FCSK: variants seen among roughly 807,000 people sequenced by gnomAD.
FCSK encodes L-fucose kinase.
Under a neutral mutation model 122.5 loss-of-function variants are expected in FCSK, and 123 were observed. That is an observed-to-expected ratio of 1.00 (90% CI 0.87 to 1.17). The LOEUF (loss-of-function observed/expected upper bound fraction) is 1.17, where lower values mean the gene tolerates loss of function less well. Among genes scored for constraint, FCSK ranks in the 50% most tolerant of loss-of-function variants. The pLI is 0.00. For synonymous variants in FCSK, 620 were observed against 625.5 expected (o/e 0.99, Z 0.13); for missense variants, 1,366 against 1,450.4 (o/e 0.94, Z 0.95).
In FCSK at chr16:70,466,900, C is replaced by T. The variant is rs747191892; in HGVS notation, c.430C>T (p.Pro144Ser). Residue 144 changes from proline (P) to serine (S), a missense_variant, in exon 6 of 24, where the codon CCA becomes TCA. Physicochemically the swap from Pro to Ser is moderately conservative, Grantham distance 74 (BLOSUM62 -1). Coordinates refer to ENST00000288078, the MANE Select transcript of FCSK (RefSeq NM_145059.3). ...CCCACAGCTGGGCCCGGGCTCCCCGCCAGGCGTGTGGGTCTGCAGCACCGA... is the reference window on the plus strand; with the variant it reads ...CCCACAGCTGGGCCCGGGCTCCCCGTCAGGCGTGTGGGTCTGCAGCACCGA... Reference protein sequence around the residue: ...MTYRLGPGSPPGVWVCSTDML... With the variant: ...MTYRLGPGSPSGVWVCSTDML... 6 of 1,613,842 alleles carry T rather than the reference C, an allele frequency of 3.7e-6. No individual in the cohort carries two copies. Among genetic ancestry groups the T allele is most frequent in the South Asian group, 3.3e-5 (3 of 91,072 alleles).
chr16:70,469,026 C>T, intron 9 of FCSK, 58 bp downstream of exon 9: 1 of 1,607,834 alleles, frequency 6.2e-7, no homozygotes, highest in Non-Finnish European at 8.5e-7. Context: ...ACTGTGTGAC[C>T]TCAGGCCAGC....
chr16:70,478,734 G>C, intron 22 of FCSK, 84 bp downstream of exon 22: 5 of 1,114,550 alleles, frequency 4.5e-6, no homozygotes, highest in Non-Finnish European at 6.7e-6. Context: ...TCATCTGCAG[G>C]CTTGGCACAA....
At chr16:70,478,056 A>G in intron 20 of FCSK, 1 of 576,564 alleles carries the variant, frequency 1.7e-6, no homozygotes, top group Non-Finnish European at 3.1e-6. Context: ...AACAAAACTC[A>G]GGCCTTGGGA....
rs750250348 is a variant in FCSK at position 70,466,879 on chromosome 16, C to G, written c.412-3C>G. On this transcript the variant is annotated splice_region_variant and splice_polypyrimidine_tract_variant and intron_variant, in intron 5 of 23. Transcript: ENST00000288078. ...GCTGTGTTCTGTCTCCTTCCCCCCA[C>G]AGCTGGGCCCGGGCTCCCCGCCAGG... 6.2e-7 allele frequency: 1 copy of G among 1,612,954 alleles called. No individual in the cohort carries two copies. Among genetic ancestry groups the G allele is most frequent in the Non-Finnish European group, 8.5e-7 (1 of 1,179,648 alleles).
chr16:70,460,000 C>T lies in FCSK; in HGVS notation c.-22-3169C>T, dbSNP rs1234135625. Among the ~76,000 whole-genome samples, 3 of 152,040 alleles carry T rather than the reference C, an allele frequency of 2.0e-5. No individual in the cohort carries two copies. The East Asian group carries it at 5.8e-4, about 29-fold the overall frequency. ...TATTTTTAGTAGAGATGGGGTTTCA[C>T]CATGTTGGCCAGGCTGGTCTCAAAC... On this transcript the variant is annotated intron_variant, in intron 1 of 23. Coordinates refer to ENST00000288078, the MANE Select transcript of FCSK (RefSeq NM_145059.3).
intron 7 of FCSK, 45 bp from the exon 8 acceptor site, chr16:70,467,838 AGAT>A: frequency 6.5e-7 from 1 of 1,534,946 alleles, no homozygotes; most frequent in Non-Finnish European, 9.0e-7. Flanking sequence ...GCCTCCTTCC[AGAT>A]CCCTTCCTGC....
At chr16:70,464,244 G>T (rs903358165) in intron 3 of FCSK, among the ~76,000 whole-genome samples, 1 of 152,202 alleles carries the variant, frequency 6.6e-6, no homozygotes, top group African/African-American at 2.4e-5. Flanking sequence ...GACATGCTCT[G>T]CAGAGGGAGA....
chr16:70,466,857 G>A (rs2048433420), intron 5 of FCSK, 25 bp from the exon 6 acceptor site: 1 of 1,608,352 alleles, frequency 6.2e-7, no homozygotes, highest in South Asian at 1.1e-5. Flanking sequence ...GGCACCAGCT[G>A]TGTTCTGTCT....
intron 10 of FCSK, among the ~76,000 whole-genome samples, chr16:70,470,064 C>G (rs744672): frequency 0.45 from 67,249 of 151,058 alleles, 15,025 homozygotes; most frequent in Non-Finnish European, 0.47. Flanking sequence ...AGGCTGGTCT[C>G]GAACTCCTGA....
chr16:70,470,997 C>G lies in FCSK; in HGVS notation c.1095C>G (p.Ser365Arg). The G allele has an allele frequency of 6.3e-7, 1 of 1,598,448 alleles. No homozygotes were observed. Among genetic ancestry groups the G allele is most frequent in the Non-Finnish European group, 8.5e-7 (1 of 1,174,562 alleles). ...VEEQQLLAAG[S>R]SVVSCLLEGP... ...AGCAGCAGCTTCTGGCGGCCGGGAGCTCTGTGGTCAGCTGCCTGCTGGAGG... is the reference window on the plus strand; with the variant it reads ...AGCAGCAGCTTCTGGCGGCCGGGAGGTCTGTGGTCAGCTGCCTGCTGGAGG... The change falls in exon 12 of 24, where the codon AGC (serine) becomes AGG (arginine). Residue 365 changes from serine (S) to arginine (R), a missense_variant. Transcript: ENST00000288078.
intron 5 of FCSK, 57 bp from the exon 6 acceptor site, chr16:70,466,825 G>T: frequency 1.3e-6 from 2 of 1,493,538 alleles, no homozygotes; most frequent in South Asian, 1.2e-5. Flanking sequence ...GGCAAGGAGG[G>T]GGCAGGTGAA....
chr16:70,467,254 C>T (rs1231514727), intron 6 of FCSK, 120 bp from the exon 7 acceptor site: 8 of 683,144 alleles, frequency 1.2e-5, no homozygotes, highest in East Asian at 5.5e-5. Context: ...GCTTGGAAAC[C>T]GTATTTCCCT....
rs1200136230 is a variant in FCSK at position 70,473,613 on chromosome 16, A to G, written c.1777+260A>G. ...CAGCTGAGCTCTAGGTCCTAGGCACATCGGCAAACCCTGCGTGTTCTGTAC... is the reference window on the plus strand; with the variant it reads ...CAGCTGAGCTCTAGGTCCTAGGCACGTCGGCAAACCCTGCGTGTTCTGTAC... On this transcript the variant is annotated intron_variant, in intron 15 of 23. Transcript: ENST00000288078. This position sits in a 1 kb window ranked among gnomAD's most constrained non-coding sequence, Gnocchi z 4.9. Among the ~76,000 whole-genome samples the G allele has an allele frequency of 2.0e-5, 3 of 152,164 alleles. No individual in the cohort carries two copies. The highest frequency in any genetic ancestry group is 6.5e-5 in the Admixed American group (1 of 15,276).
In FCSK at chr16:70,473,082, C is replaced by T. The variant is rs1201708843; in HGVS notation, c.1506C>T (p.Pro502=). 2 of 1,590,074 alleles carry T rather than the reference C, an allele frequency of 1.3e-6. No homozygotes were observed. The highest frequency in any genetic ancestry group is 1.7e-6 in the Non-Finnish European group (2 of 1,169,182). ...TCCACCCCTCGAGGGAGCTGGGACC[C>T]CAGGACCTGCTGTGGATGCTGGACC... ...PVLHPSRELG[P]QDLLWMLDHQ... Residue 502 remains proline, a synonymous_variant, in exon 15 of 24, where the codon CCC becomes CCT. Transcript: ENST00000288078. This position sits in a 1 kb window ranked among gnomAD's most constrained non-coding sequence, Gnocchi z 4.9.
At chr16:70,468,529 G>A (rs1038915533) in intron 8 of FCSK, among the ~76,000 whole-genome samples, 3 of 152,212 alleles carry the variant, frequency 2.0e-5, no homozygotes, top group Non-Finnish European at 4.4e-5. Context: ...TTGGGAGGAG[G>A]CCTAGAGCCA....
intron 1 of FCSK, among the ~76,000 whole-genome samples, chr16:70,457,540 C>T (rs2048127245): frequency 6.6e-6 from 1 of 152,154 alleles, no homozygotes; most frequent in Admixed American, 6.6e-5. Flanking sequence ...CGGATGTGAG[C>T]TACCACATCT....
Position 70,463,605 on chromosome 16 carries a change from T to G in FCSK, c.83-18T>G. The stretch of plus-strand genomic sequence containing the variant: ...CAGAGAGCTGGGGGGCAGGTCCCAG[T>G]GTCTCTTCTGACCCTAGAACTGGAA... On this transcript the variant is annotated intron_variant, in intron 2 of 23. Transcript: ENST00000288078. 1.9e-6 allele frequency: 3 copies of G among 1,612,710 alleles called. No individual in the cohort carries two copies. Among genetic ancestry groups the G allele is most frequent in the Non-Finnish European group, 2.5e-6 (3 of 1,179,512 alleles).
At chr16:70,472,743 G>A (rs574151925) in intron 14 of FCSK, 138 bp downstream of exon 14, 24 of 836,066 alleles carry the variant, frequency 2.9e-5, no homozygotes, top group South Asian at 1.1e-4. Flanking sequence ...TTGGGCAGCC[G>A]GATTCTCTCC....
chr16:70,464,927 G>A, intron 3 of FCSK, 199 bp from the exon 4 acceptor site: 1 of 1,153,118 alleles, frequency 8.7e-7, no homozygotes, highest in Non-Finnish European at 1.2e-6. Context: ...AGGTGGCCCA[G>A]GTGGAGGGCC....
Sources: gnomAD v4.1 joint callset for allele counts (sites outside exome capture counted in the v4.1 genomes callset) on GRCh38, gnomAD v4.1.1 for gene constraint, Gnocchi (gnomAD v3.1) non-coding constraint, MANE v1.5 for transcripts, NCBI Gene and HGNC (gene_info 2026-07-23, HGNC 2026-07-21) for gene names.